Variants in SEC61B observed in about 807,000 individuals in gnomAD.
The protein encoded by SEC61B is SEC61 translocon subunit beta, also known as protein transport protein Sec61 subunit beta.
A neutral mutation model predicts 12.6 loss-of-function variants in SEC61B; 7 were observed. The observed-to-expected ratio is 0.55, with a 90% CI of 0.32 to 1.04. SEC61B has a LOEUF of 1.04. Ranked by LOEUF, SEC61B falls within the 50% of genes least tolerant of loss-of-function variation. SEC61B has a pLI of 0.05. For missense variants in SEC61B, 107 were observed against 130.1 expected (o/e 0.82, Z 0.86); for synonymous variants, 54 against 50.1 (o/e 1.08, Z -0.33).
chr9:99,224,645 G>A (rs558970850), intron 2 of SEC61B, among the ~76,000 whole-genome samples: 48 of 152,312 alleles, frequency 3.2e-4, no homozygotes, highest in African/African-American at 7.2e-4. Context: ...CGTGGGTGTT[G>A]GTGTCATCTT....
At position 99,228,339 on chromosome 9, in the gene SEC61B, G is replaced by T. The variant is rs117642314; in HGVS notation, c.203+339G>T. The stretch of plus-strand genomic sequence containing the variant: ...GATCTTGCCCCGTACCAAGAAATAG[G>T]AGTAATCATTTGAATAGGAATTGGG... On this transcript the variant is annotated intron_variant, in intron 3 of 3. Transcript: ENST00000223641. Among the ~76,000 whole-genome samples, 10 of 152,320 alleles carry T rather than the reference G, an allele frequency of 6.6e-5. No homozygotes were observed. The East Asian group carries it at 1.9e-3, about 29-fold the overall frequency.
At chr9:99,224,213 A>G (rs149659772) in intron 2 of SEC61B, among the ~76,000 whole-genome samples, 1,953 of 152,370 alleles carry the variant, frequency 0.013, 28 homozygotes, top group Non-Finnish European at 0.017. Context: ...GAAATATTTC[A>G]CATCAGAACA....
chr9:99,222,745 C>CA, intron 2 of SEC61B, 102 bp downstream of exon 2: 1 of 819,700 alleles, frequency 1.2e-6, no homozygotes, highest in South Asian at 1.9e-5. Context: ...TTGACAAAGG[C>CA]AAAATGAGCT....
At chr9:99,224,921 A>T (rs909292081) in intron 2 of SEC61B, among the ~76,000 whole-genome samples, 1 of 152,200 alleles carries the variant, frequency 6.6e-6, no homozygotes, top group African/African-American at 2.4e-5. Flanking sequence ...ACTACCTTGG[A>T]GGAGAAATGT....
At chr9:99,230,208 T>C (rs1391624390) in intron 3 of SEC61B, 129 bp from the exon 4 acceptor site, 1 of 545,064 alleles carries the variant, frequency 1.8e-6, no homozygotes, top group Non-Finnish European at 3.2e-6. Context: ...ATGATACAAA[T>C]AATGTTTCTG....
At chr9:99,227,601 G>C (rs1828913625) in intron 2 of SEC61B, among the ~76,000 whole-genome samples, 1 of 152,196 alleles carries the variant, frequency 6.6e-6, no homozygotes, top group African/African-American at 2.4e-5. Flanking sequence ...TCAGCCACCT[G>C]TTGGCTGCAG....
At chr9:99,227,633 C>G (rs796229742) in intron 2 of SEC61B, among the ~76,000 whole-genome samples, 36 of 152,278 alleles carry the variant, frequency 2.4e-4, no homozygotes, top group African/African-American at 8.4e-4. Context: ...TTTTGCTTAA[C>G]CTTTTCTGAG....
chr9:99,230,605 A>T lies in SEC61B; in HGVS notation c.*181A>T. 1.9e-6 allele frequency: 1 copy of T among 538,472 alleles called. No homozygotes were observed. The highest frequency in any genetic ancestry group is 2.3e-5 in the South Asian group (1 of 43,174). 33.4% of individuals were successfully genotyped at this position (538,472 alleles called of 1,614,324 possible). A position where few individuals can be genotyped will look rare whatever the true frequency, so the allele number is the denominator to read the frequency against. On this transcript the variant is annotated 3_prime_UTR_variant, in exon 4 of 4. Coordinates refer to ENST00000223641, the MANE Select transcript of SEC61B (RefSeq NM_006808.3). ...TTTTCTATGGCTAATAAACTTTTTA[A>T]TTCACTTATACTGAGTCTGATCGTT...
chr9:99,226,675 G>A (rs937248909), intron 2 of SEC61B, among the ~76,000 whole-genome samples: 1 of 152,148 alleles, frequency 6.6e-6, no homozygotes, highest in Non-Finnish European at 1.5e-5. Flanking sequence ...CATGGGGCAC[G>A]ATGAGCAGCT....
At chr9:99,224,599 A>G (rs1279739716) in intron 2 of SEC61B, among the ~76,000 whole-genome samples, 1 of 152,234 alleles carries the variant, frequency 6.6e-6, no homozygotes, top group African/African-American at 2.4e-5. Context: ...TGGAGAACTG[A>G]AACATTTGAA....
intron 2 of SEC61B, among the ~76,000 whole-genome samples, chr9:99,224,774 T>C (rs1828876737): frequency 6.6e-6 from 1 of 152,200 alleles, no homozygotes; most frequent in Non-Finnish European, 1.5e-5. Flanking sequence ...ATGAGTATAA[T>C]GTAATAAGTA....
chr9:99,228,228 C>G (rs1828921147), intron 3 of SEC61B, among the ~76,000 whole-genome samples: 1 of 152,108 alleles, frequency 6.6e-6, no homozygotes, highest in Non-Finnish European at 1.5e-5. Context: ...AAAGGAAGTT[C>G]TTCATGGAGC....
intron 2 of SEC61B, among the ~76,000 whole-genome samples, chr9:99,227,265 CAAAAAAAAAAAAAAAA>C (rs59719935): frequency 9.3e-5 from 1 of 10,738 alleles, no homozygotes; most frequent in Admixed American, 9.7e-4. Flanking sequence ...AACTCCATCT[CAAAAAAAAAAAAAAAA>C]AAAAAAAAAA....
chr9:99,222,695 A>ATCAGCGAGGTTCTGGGT, intron 2 of SEC61B, 52 bp downstream of exon 2: 1 of 1,262,264 alleles, frequency 7.9e-7, no homozygotes, highest in Non-Finnish European at 1.1e-6. Context: ...AGGACCCAGA[A>ATCAGCGAGGTTCTGGGT]CCTCGCTGAT....
Position 99,230,615 on chromosome 9 carries a change from A to T in SEC61B, c.*191A>T. The stretch of plus-strand genomic sequence containing the variant: ...CTAATAAACTTTTTAATTCACTTAT[A>T]CTGAGTCTGATCGTTGATGCCTCAC... On this transcript the variant is annotated 3_prime_UTR_variant, in exon 4 of 4. Transcript: ENST00000223641. 2.0e-6 allele frequency: 1 copy of T among 494,868 alleles called. No individual in the cohort carries two copies. Among genetic ancestry groups the T allele is most frequent in the Admixed American group, 4.0e-5 (1 of 24,718 alleles). The allele number at this position is 494,868 out of a possible 1,614,324, so 30.7% of individuals were successfully genotyped here.
intron 2 of SEC61B, among the ~76,000 whole-genome samples, chr9:99,224,916 C>T (rs905186259): frequency 1.3e-5 from 2 of 152,140 alleles, no homozygotes; most frequent in African/African-American, 4.8e-5. Flanking sequence ...TAGATACTAC[C>T]TTGGAGGAGA....
In SEC61B at chr9:99,226,637, C is replaced by T. The variant is rs147172522; in HGVS notation, c.102-1262C>T. Reference sequence around the variant, plus strand: ...TTGCTTGTGACTTCTCACCACTTGCCCCTTACCCCCATATTGTACCACTCC... The same window carrying T: ...TTGCTTGTGACTTCTCACCACTTGCTCCTTACCCCCATATTGTACCACTCC... On this transcript the variant is annotated intron_variant, in intron 2 of 3. Transcript: ENST00000223641. Among the ~76,000 whole-genome samples the T allele has an allele frequency of 4.5e-3, 687 of 152,214 alleles. 1 individual carries two copies. The highest frequency in any genetic ancestry group is 6.7e-3 in the Non-Finnish European group (456 of 68,008).
intron 3 of SEC61B, among the ~76,000 whole-genome samples, chr9:99,228,473 T>C (rs1828925114): frequency 6.6e-6 from 1 of 152,158 alleles, no homozygotes; most frequent in Non-Finnish European, 1.5e-5. Context: ...TTGCCTTTGG[T>C]GGGTGGTGAG....
Position 99,223,411 on chromosome 9 carries a change from T to G in SEC61B, c.101+768T>G, listed in dbSNP as rs191383. 1.5e-3 allele frequency among the ~76,000 whole-genome samples: 226 copies of G among 150,138 alleles called. 3 individuals are homozygous for G. Among genetic ancestry groups the G allele is most frequent in the African/African-American group, 4.6e-3 (191 of 41,154 alleles). On this transcript the variant is annotated intron_variant, in intron 2 of 3. Transcript: ENST00000223641. The stretch of plus-strand genomic sequence containing the variant: ...CCTTTCTTTTTCCTTTTTTTTTTTT[T>G]GGGATGGAATCTCACTCTGTCGCCC...
Sources: allele counts gnomAD v4.1 joint callset (sites outside exome capture counted in the v4.1 genomes callset), GRCh38; gene constraint gnomAD v4.1.1; transcripts MANE v1.5; gene names NCBI Gene and HGNC (gene_info 2026-07-23, HGNC 2026-07-21).